The following WDFY3 variants were observed in gnomAD, a reference collection of about 807,000 sequenced individuals.
WDFY3 encodes the protein WD repeat and FYVE domain-containing protein 3.
Under a neutral mutation model 409.6 loss-of-function variants are expected in WDFY3, and 66 were observed. The observed-to-expected ratio is 0.16, with a 90% CI of 0.13 to 0.20. WDFY3 has a LOEUF of 0.20. WDFY3 is among the 10% of genes least tolerant of loss of function. The pLI is 1.00. For synonymous variants in WDFY3, 1,521 were observed against 1,537.1 expected, an observed-to-expected ratio of 0.99 and a Z score of 0.25; for missense variants, 3,031 against 4,298.1, an observed-to-expected ratio of 0.71 and a Z score of 8.24.
intron 35 of WDFY3, among the ~76,000 whole-genome samples, chr4:84,752,620 A>G (rs1740739680): frequency 6.6e-6 from 1 of 152,098 alleles, no homozygotes; most frequent in Admixed American, 6.6e-5. Context: ...GGATTCTAAA[A>G]TTATAAACAA....
At chr4:84,685,445 G>A (rs1728151370) in intron 62 of WDFY3, among the ~76,000 whole-genome samples, 1 of 152,206 alleles carries the variant, frequency 6.6e-6, no homozygotes. Context: ...GCAAAGCACT[G>A]TTGTGTCTGC....
intron 2 of WDFY3, among the ~76,000 whole-genome samples, chr4:84,918,564 T>G (rs1280657911): frequency 6.6e-6 from 1 of 152,034 alleles, no homozygotes; most frequent in East Asian, 1.9e-4. Flanking sequence ...TCTAGCAGGG[T>G]AGCATGTTGT....
intron 4 of WDFY3, among the ~76,000 whole-genome samples, chr4:84,859,524 T>C (rs928352617): frequency 6.6e-6 from 1 of 152,228 alleles, no homozygotes; most frequent in Non-Finnish European, 1.5e-5. Flanking sequence ...TGAAACTATC[T>C]GACTTTTTAA....
At chr4:84,961,108 G>A (rs185267763) in intron 1 of WDFY3, among the ~76,000 whole-genome samples, 1 of 151,844 alleles carries the variant, frequency 6.6e-6, no homozygotes, top group African/African-American at 2.4e-5. Context: ...CCAGCTACTC[G>A]GGTGGCTGAG....
intron 24 of WDFY3, among the ~76,000 whole-genome samples, chr4:84,784,461 G>T (rs1747110579): frequency 6.6e-6 from 1 of 151,822 alleles, no homozygotes; most frequent in Non-Finnish European, 1.5e-5. Flanking sequence ...AGCTGTTCAA[G>T]AAAAAAACCT....
chr4:84,734,560 CAA>C (rs1254491687), intron 43 of WDFY3, among the ~76,000 whole-genome samples: 1 of 151,910 alleles, frequency 6.6e-6, no homozygotes, highest in African/African-American at 2.4e-5. Flanking sequence ...ATGAATTTAC[CAA>C]GAGAATTTCA....
At chr4:84,756,373 T>C (rs1203354270) in intron 33 of WDFY3, among the ~76,000 whole-genome samples, 1 of 151,872 alleles carries the variant, frequency 6.6e-6, no homozygotes, top group Admixed American at 6.6e-5. Context: ...TCACCTGAGG[T>C]CAGGAGTTCA....
intron 44 of WDFY3, among the ~76,000 whole-genome samples, chr4:84,730,371 A>ATAC (rs915837477): frequency 6.6e-6 from 1 of 152,222 alleles, no homozygotes; most frequent in Non-Finnish European, 1.5e-5. Context: ...ATATTCACTA[A>ATAC]GTATTAGGCA....
chr4:84,861,738 C>G (rs555948298), intron 3 of WDFY3, among the ~76,000 whole-genome samples: 1 of 152,290 alleles, frequency 6.6e-6, no homozygotes, highest in African/African-American at 2.4e-5. Context: ...CTTGCTGGAG[C>G]TGCAGTTAAA....
chr4:84,840,602 A>G (rs941264233), intron 6 of WDFY3, among the ~76,000 whole-genome samples: 2 of 151,982 alleles, frequency 1.3e-5, no homozygotes, highest in African/African-American at 4.8e-5. Flanking sequence ...TTTTTTTTAG[A>G]GACAGGGTCT....
chr4:84,720,611 TC>T (rs1410832435), intron 47 of WDFY3, among the ~76,000 whole-genome samples: 1 of 152,162 alleles, frequency 6.6e-6, no homozygotes, highest in Non-Finnish European at 1.5e-5. Context: ...GAGCTCCTTT[TC>T]TCACTATGTG....
intron 8 of WDFY3, 82 bp from the exon 9 acceptor site, chr4:84,829,272 T>C: frequency 8.7e-7 from 1 of 1,149,776 alleles, no homozygotes; most frequent in Middle Eastern, 2.2e-4. Flanking sequence ...TGTTGTTTAA[T>C]GAAACATTAA....
chr4:84,912,709 C>T (rs1243921759), intron 2 of WDFY3, among the ~76,000 whole-genome samples: 2 of 151,658 alleles, frequency 1.3e-5, no homozygotes, highest in Admixed American at 1.3e-4. Flanking sequence ...GTACATCTGC[C>T]CAGGTTTTTA....
intron 12 of WDFY3, among the ~76,000 whole-genome samples, chr4:84,818,126 C>T (rs1185575840): frequency 6.6e-6 from 1 of 152,160 alleles, no homozygotes; most frequent in Non-Finnish European, 1.5e-5. Flanking sequence ...AGCCTTTACA[C>T]AGATTGACTT....
chr4:84,694,410 T>A (rs564361400), intron 58 of WDFY3, among the ~76,000 whole-genome samples: 1 of 152,334 alleles, frequency 6.6e-6, no homozygotes, highest in Non-Finnish European at 1.5e-5. Context: ...TATGTTGGCA[T>A]CCAAACGATA....
intron 36 of WDFY3, among the ~76,000 whole-genome samples, chr4:84,750,371 A>G (rs1740300034): frequency 6.6e-6 from 1 of 152,200 alleles, no homozygotes; most frequent in Non-Finnish European, 1.5e-5. Context: ...ATTTTAAAAA[A>G]AATTGACCAA....
At chr4:84,705,576 A>C in intron 53 of WDFY3, 65 bp from the exon 54 acceptor site, 1 of 1,277,074 alleles carries the variant, frequency 7.8e-7, no homozygotes, top group Non-Finnish European at 1.1e-6. Context: ...TAACGTAGAT[A>C]CAGTGGCTGT....
At chr4:84,775,262 T>C in intron 27 of WDFY3, 124 bp from the exon 28 acceptor site, 2 of 844,704 alleles carry the variant, frequency 2.4e-6, no homozygotes, top group Non-Finnish European at 3.6e-6. Flanking sequence ...TGTAAAGTTC[T>C]ATAAAACCAC....
At chr4:84,827,865 C>T (rs1755077736) in intron 9 of WDFY3, among the ~76,000 whole-genome samples, 1 of 152,070 alleles carries the variant, frequency 6.6e-6, no homozygotes, top group Non-Finnish European at 1.5e-5. Context: ...ACCTAAAATC[C>T]TGGTGCTTTG....
Sources: allele counts gnomAD v4.1 joint callset (sites outside exome capture counted in the v4.1 genomes callset), GRCh38; gene constraint gnomAD v4.1.1; transcripts MANE v1.5; gene names NCBI Gene and HGNC (gene_info 2026-07-23, HGNC 2026-07-21).